Variants in ATXN7L1 observed in about 807,000 individuals in gnomAD.
The protein encoded by ATXN7L1 is ataxin-7-like protein 1.
A neutral mutation model predicts 70.8 loss-of-function variants in ATXN7L1; 15 were observed. That is an observed-to-expected ratio of 0.21 (90% CI 0.14 to 0.33). The LOEUF (loss-of-function observed/expected upper bound fraction) is 0.33. ATXN7L1 is among the 10% of genes least tolerant of loss of function. The pLI, the probability that ATXN7L1 is intolerant of heterozygous loss-of-function variation, is 1.00. For synonymous variants in ATXN7L1, 440 were observed against 445.1 expected (o/e 0.99, Z 0.14); for missense variants, 975 against 1,097.1 (o/e 0.89, Z 1.57).
rs1358132413 is a variant in ATXN7L1, at chr7:105,778,521, A to C, written c.355+10083T>G. ...GGAAGACCCTATCTCAAAAAAAAAA[A>C]AAAAAAAAAAAAAACAAAGACTAAA... On this transcript the variant is annotated intron_variant, in intron 3 of 11. Transcript: ENST00000419735. 1.3e-4 allele frequency among the ~76,000 whole-genome samples: 17 copies of C among 135,358 alleles called. No individual in the cohort carries two copies. The South Asian group carries it at 3.1e-3, about 24-fold the overall frequency. The allele number at this position is 135,358 out of a possible 152,430, so 88.8% of individuals were successfully genotyped here.
At chr7:105,762,751 G>A (rs529161371) in intron 3 of ATXN7L1, among the ~76,000 whole-genome samples, 1 of 152,290 alleles carries the variant, frequency 6.6e-6, no homozygotes, top group South Asian at 2.1e-4. Flanking sequence ...GTGTGGGCTG[G>A]ACTTAGAGAC....
chr7:105,676,212 T>A (rs1165505401), intron 3 of ATXN7L1, among the ~76,000 whole-genome samples: 2 of 152,212 alleles, frequency 1.3e-5, no homozygotes, highest in Non-Finnish European at 2.9e-5. Context: ...TGCTCCCCAC[T>A]GTCTGGGCCC....
chr7:105,780,125 T>C (rs975247903), intron 3 of ATXN7L1, among the ~76,000 whole-genome samples: 1 of 152,164 alleles, frequency 6.6e-6, no homozygotes, highest in African/African-American at 2.4e-5. Flanking sequence ...GAGGCACACA[T>C]GGTTTGTCTC....
chr7:105,611,098 G>T (rs147126914), intron 10 of ATXN7L1, among the ~76,000 whole-genome samples: 1 of 152,204 alleles, frequency 6.6e-6, no homozygotes, highest in Non-Finnish European at 1.5e-5. Context: ...GAGATGTAAC[G>T]CACACGCAAC....
intron 2 of ATXN7L1, among the ~76,000 whole-genome samples, chr7:105,832,222 A>T (rs1014754654): frequency 6.6e-6 from 1 of 152,214 alleles, no homozygotes; most frequent in African/African-American, 2.4e-5. Context: ...ACAGAAAAGA[A>T]CAGTGAAAAA....
At chr7:105,655,136 A>T (rs1190586318) in intron 4 of ATXN7L1, among the ~76,000 whole-genome samples, 1 of 152,056 alleles carries the variant, frequency 6.6e-6, no homozygotes, top group East Asian at 1.9e-4. Context: ...CTGTGACTTC[A>T]CAAGGTTGGC....
intron 3 of ATXN7L1, among the ~76,000 whole-genome samples, chr7:105,703,018 A>G (rs902168191): frequency 6.6e-6 from 1 of 152,238 alleles, no homozygotes; most frequent in African/African-American, 2.4e-5. Context: ...TGGGAGGCTG[A>G]GGCAGGAGAA....
chr7:105,857,849 A>G (rs900733282), intron 2 of ATXN7L1, among the ~76,000 whole-genome samples: 3 of 152,120 alleles, frequency 2.0e-5, no homozygotes, highest in Non-Finnish European at 4.4e-5. Flanking sequence ...TTGAAATTCT[A>G]GTGTACCCAG....
intron 3 of ATXN7L1, among the ~76,000 whole-genome samples, chr7:105,697,445 G>A (rs527988746): frequency 9.9e-5 from 15 of 152,284 alleles, no homozygotes; most frequent in East Asian, 3.9e-4. Context: ...GCTCTGTTCC[G>A]CCCGGCTCAC....
chr7:105,629,552 G>A (rs1253272284), intron 7 of ATXN7L1, among the ~76,000 whole-genome samples: 19 of 150,034 alleles, frequency 1.3e-4, no homozygotes, highest in Admixed American at 1.2e-3. Context: ...GTCTCCCTCT[G>A]TCACCCAGGC....
chr7:105,765,055 C>T (rs1360773428), intron 3 of ATXN7L1, among the ~76,000 whole-genome samples: 2 of 152,156 alleles, frequency 1.3e-5, no homozygotes, highest in Non-Finnish European at 2.9e-5. Context: ...TAAGTCTAGG[C>T]CGGGCGTGGT....
At chr7:105,725,341 G>A (rs1795680551) in intron 3 of ATXN7L1, among the ~76,000 whole-genome samples, 1 of 152,176 alleles carries the variant, frequency 6.6e-6, no homozygotes, top group African/African-American at 2.4e-5. Context: ...CCCCATGCCG[G>A]AGCCAGTTGT....
intron 9 of ATXN7L1, among the ~76,000 whole-genome samples, chr7:105,617,320 G>C (rs1345857501): frequency 6.6e-6 from 1 of 152,064 alleles, no homozygotes; most frequent in African/African-American, 2.4e-5. Context: ...CACTGCACCC[G>C]GCCTGAATGG....
chr7:105,623,424 G>T (rs559573672), intron 8 of ATXN7L1, among the ~76,000 whole-genome samples: 1 of 152,174 alleles, frequency 6.6e-6, no homozygotes, highest in African/African-American at 2.4e-5. Flanking sequence ...CCTGTGAGGT[G>T]GGAAACTAAG....
intron 2 of ATXN7L1, among the ~76,000 whole-genome samples, chr7:105,847,768 GA>G (rs1344463679): frequency 6.6e-6 from 1 of 152,296 alleles, no homozygotes; most frequent in Admixed American, 6.5e-5. Flanking sequence ...TAATATATAT[GA>G]AAAGTGCCTG....
rs550741161 is a variant in ATXN7L1 at position 105,681,331 on chromosome 7, C to T, written c.356-16043G>A. ...CTCCAGTCACCAGTCATTAGGGAAA[C>T]GCAGATCGAAATCACAGTGAGGTAT... is the stretch of plus-strand genomic sequence containing the variant. On this transcript the variant is annotated intron_variant, in intron 3 of 11. Coordinates refer to ENST00000419735, the MANE Select transcript of ATXN7L1 (RefSeq NM_020725.2). Among the ~76,000 whole-genome samples the T allele has an allele frequency of 1.5e-4, 23 of 152,194 alleles. No individual in the cohort carries two copies. In the South Asian group the frequency reaches 4.1e-3, roughly 27 times the overall value.
At chr7:105,612,603 G>T (rs1793254329) in intron 10 of ATXN7L1, among the ~76,000 whole-genome samples, 1 of 152,150 alleles carries the variant, frequency 6.6e-6, no homozygotes, top group Non-Finnish European at 1.5e-5. Flanking sequence ...AGCCCTGTGG[G>T]TGCCAGCCCC....
intron 2 of ATXN7L1, among the ~76,000 whole-genome samples, chr7:105,848,048 G>C (rs73193837): frequency 0.18 from 26,630 of 152,004 alleles, 3,026 homozygotes; most frequent in South Asian, 0.4. Flanking sequence ...AGGGCTCTTA[G>C]AAAACAATGG....
At chr7:105,832,967 C>T (rs987029755) in intron 2 of ATXN7L1, among the ~76,000 whole-genome samples, 7 of 152,164 alleles carry the variant, frequency 4.6e-5, no homozygotes, top group Admixed American at 1.3e-4. Context: ...CTACCTTTAC[C>T]CCAGAAGAGC....
Sources: gnomAD v4.1 joint callset for allele counts (sites outside exome capture counted in the v4.1 genomes callset) on GRCh38, gnomAD v4.1.1 for gene constraint, MANE v1.5 for transcripts, NCBI Gene and HGNC (gene_info 2026-07-23, HGNC 2026-07-21) for gene names.